Variants in MAP3K21 observed in about 807,000 individuals in gnomAD.
MAP3K21 encodes the protein mitogen-activated protein kinase kinase kinase 21, also known as mitogen-activated protein kinase kinase kinase MLK4.
Under a neutral mutation model 86.1 loss-of-function variants are expected in MAP3K21, and 63 were observed. The ratio of observed to expected loss-of-function variants is 0.73; its 90% confidence interval spans 0.60 to 0.90. The LOEUF is 0.90. Ranked by LOEUF, MAP3K21 falls within the 40% of genes least tolerant of loss-of-function variation. The pLI is 0.00. For missense variants in MAP3K21, 1,220 were observed against 1,367.7 expected (o/e 0.89, Z 1.70); for synonymous variants, 558 against 564.8 (o/e 0.99, Z 0.17).
At chr1:233,343,387 T>C (rs1663074583) in intron 1 of MAP3K21, among the ~76,000 whole-genome samples, 1 of 152,210 alleles carries the variant, frequency 6.6e-6, no homozygotes, top group Non-Finnish European at 1.5e-5. Flanking sequence ...AATCTTATGA[T>C]GTAGGTACTA....
At chr1:233,340,352 G>C (rs979239568) in intron 1 of MAP3K21, among the ~76,000 whole-genome samples, 2 of 152,172 alleles carry the variant, frequency 1.3e-5, no homozygotes, top group African/African-American at 4.8e-5. Flanking sequence ...GGGCGGAAGA[G>C]GAAGGCATTC....
intron 5 of MAP3K21, among the ~76,000 whole-genome samples, chr1:233,365,558 A>G (rs1663557763): frequency 6.6e-6 from 1 of 152,224 alleles, no homozygotes; most frequent in African/African-American, 2.4e-5. Flanking sequence ...GGGAAATGCT[A>G]ATGAAAATCA....
intron 6 of MAP3K21, among the ~76,000 whole-genome samples, chr1:233,374,442 G>A (rs1236322647): frequency 1.3e-5 from 2 of 152,276 alleles, no homozygotes; most frequent in South Asian, 4.1e-4. Context: ...CTGAAGTGCT[G>A]GGATTACAGG....
rs147437745 is a variant in MAP3K21, at chr1:233,351,961, G to A, written c.987-1846G>A. ...TGGACTGTGGTGGTGCAATCACAGC[G>A]CACTGCAGCCTCATCCACACGGGCC... On this transcript the variant is annotated intron_variant, in intron 2 of 9. Coordinates refer to ENST00000366624, the MANE Select transcript of MAP3K21 (RefSeq NM_032435.3). Among the ~76,000 whole-genome samples the A allele has an allele frequency of 2.6e-3, 389 of 152,098 alleles. 6 individuals are homozygous for A. Among genetic ancestry groups the A allele is most frequent in the Admixed American group, 0.019 (283 of 15,278 alleles).
chr1:233,377,572 T>A (rs77063352), intron 8 of MAP3K21, among the ~76,000 whole-genome samples: 2,208 of 152,172 alleles, frequency 0.015, 101 homozygotes, highest in Admixed American at 0.099. Flanking sequence ...CAGGGTTCTT[T>A]GGAGAAAGAA....
At chr1:233,354,075 C>T in intron 3 of MAP3K21, 120 bp downstream of exon 3, 2 of 1,178,762 alleles carry the variant, frequency 1.7e-6, no homozygotes, top group Non-Finnish European at 1.1e-6. Flanking sequence ...TTTAAGTAAC[C>T]CTAGTATTTT....
At chr1:233,367,502 T>G (rs1298879944) in intron 5 of MAP3K21, among the ~76,000 whole-genome samples, 1 of 152,120 alleles carries the variant, frequency 6.6e-6, no homozygotes, top group African/African-American at 2.4e-5. Flanking sequence ...GCTTTAGTTT[T>G]CCCAAATGTT....
intron 3 of MAP3K21, among the ~76,000 whole-genome samples, chr1:233,354,171 G>T (rs913783101): frequency 1.3e-5 from 2 of 152,168 alleles, no homozygotes; most frequent in African/African-American, 4.8e-5. Flanking sequence ...AGTTTTATCA[G>T]TGACTTATTT....
At chr1:233,359,041 G>A (rs1409787466) in intron 4 of MAP3K21, among the ~76,000 whole-genome samples, 1 of 152,092 alleles carries the variant, frequency 6.6e-6, no homozygotes. Flanking sequence ...TCAAACTCCA[G>A]ATCTCAGGTG....
intron 9 of MAP3K21, 113 bp from the exon 10 acceptor site, chr1:233,382,192 C>T: frequency 1.1e-6 from 1 of 935,790 alleles, no homozygotes; most frequent in Non-Finnish European, 1.6e-6. Flanking sequence ...TGTTGAAGCT[C>T]ATTTTAAAGC....
At chr1:233,350,915 A>G (rs1663239556) in intron 2 of MAP3K21, among the ~76,000 whole-genome samples, 1 of 152,184 alleles carries the variant, frequency 6.6e-6, no homozygotes, top group African/African-American at 2.4e-5. Flanking sequence ...TCCATTGAAA[A>G]AGTTACATTT....
At position 233,382,458 on chromosome 1, in the gene MAP3K21, G is replaced by A. The variant is rs138700859; in HGVS notation, c.2858G>A (p.Arg953His). ...CGTCGCCCTGCCTCCCTGAGAAGCCGCTCAGATCTGCCTCAGGCTTACCCA... is the reference window on the plus strand; with the variant it reads ...CGTCGCCCTGCCTCCCTGAGAAGCCACTCAGATCTGCCTCAGGCTTACCCA... Reference protein sequence around the residue: ...PQRRPASLRSRSDLPQAYPQT... With the variant: ...PQRRPASLRSHSDLPQAYPQT... The change falls in exon 10 of 10, where the codon CGC (arginine) becomes CAC (histidine). Residue 953 changes from arginine (R) to histidine (H), a missense_variant. Around this residue, in one of 5 missense-constraint regions of MAP3K21, gnomAD observed 632 missense variants for 691.3 expected, o/e 0.91. Coordinates refer to ENST00000366624, the MANE Select transcript of MAP3K21 (RefSeq NM_032435.3). 3.9e-5 allele frequency: 63 copies of A among 1,613,994 alleles called. No homozygotes were observed. Among genetic ancestry groups the A allele is most frequent in the Middle Eastern group, 1.6e-4 (1 of 6,084 alleles).
At chr1:233,334,962 TC>T (rs1264199951) in intron 1 of MAP3K21, among the ~76,000 whole-genome samples, 9 of 52,116 alleles carry the variant, frequency 1.7e-4, no homozygotes, top group South Asian at 7.0e-4. Context: ...TTTCTTTCTT[TC>T]TTTTTTTTTT....
At chr1:233,378,875 A>T in intron 8 of MAP3K21, 56 bp from the exon 9 acceptor site, 2 of 1,224,732 alleles carry the variant, frequency 1.6e-6, no homozygotes, top group Non-Finnish European at 2.3e-6. Context: ...AATCTTGTTT[A>T]AATGACTTTT....
At chr1:233,337,518 A>G (rs1284156003) in intron 1 of MAP3K21, among the ~76,000 whole-genome samples, 1 of 152,214 alleles carries the variant, frequency 6.6e-6, no homozygotes, top group Non-Finnish European at 1.5e-5. Flanking sequence ...ACAACTCTTT[A>G]CAGCCTAATA....
At chr1:233,372,381 TGATG>T (rs1663703259) in intron 6 of MAP3K21, 1 of 474,712 alleles carries the variant, frequency 2.1e-6, no homozygotes, top group African/African-American at 2.0e-5. Context: ...ATGCAGTTGG[TGATG>T]CGACCTGGCC....
At chr1:233,348,875 T>A (rs746109276) in intron 2 of MAP3K21, among the ~76,000 whole-genome samples, 1 of 152,164 alleles carries the variant, frequency 6.6e-6, no homozygotes, top group Non-Finnish European at 1.5e-5. Flanking sequence ...AGATTCATGC[T>A]CCACAAAAAT....
In MAP3K21 at chr1:233,328,442, G is replaced by A. The variant is rs1662739298; in HGVS notation, c.414G>A (p.Val138=). 2 of 1,495,592 alleles carry A rather than the reference G, an allele frequency of 1.3e-6. No homozygotes were observed. The highest frequency in any genetic ancestry group is 1.8e-6 in the Non-Finnish European group (2 of 1,131,808). The allele number at this position is 1,495,592 out of a possible 1,614,324, so 92.6% of individuals were successfully genotyped here. A position where few individuals can be genotyped will look rare whatever the true frequency, so the allele number is the denominator to read the frequency against. ...ELIGAGGFGQ[V]YRATWQGQEV... ...TCGGCGCTGGGGGCTTCGGGCAGGT[G>A]TACCGCGCCACCTGGCAGGGCCAGG... The change falls in exon 1 of 10, where the codon GTG becomes GTA. Residue 138 remains valine, a synonymous_variant. Transcript: ENST00000366624. The surrounding 1 kb of genome is among the most constrained non-coding windows in gnomAD (Gnocchi z 8.7).
chr1:233,354,789 T>TG (rs1663316602), intron 3 of MAP3K21, 47 bp from the exon 4 acceptor site: 1 of 1,525,392 alleles, frequency 6.6e-7, no homozygotes, highest in South Asian at 1.1e-5. Context: ...TTAGCAACTC[T>TG]AAACTGCGTT....
Sources: gnomAD v4.1 joint callset for allele counts (sites outside exome capture counted in the v4.1 genomes callset) on GRCh38, gnomAD v4.1.1 for gene constraint, gnomAD v4.1.1 regional missense constraint, Gnocchi (gnomAD v3.1) non-coding constraint, MANE v1.5 for transcripts, NCBI Gene and HGNC (gene_info 2026-07-23, HGNC 2026-07-21) for gene names.